ADCY10: variants seen among roughly 807,000 people sequenced by gnomAD.
The protein encoded by ADCY10 is adenylate cyclase type 10.
In ADCY10, 156 loss-of-function variants were observed where a neutral mutation model predicts 183.3. The observed-to-expected ratio is 0.85, with a 90% confidence interval of 0.75 to 0.97. ADCY10 has a LOEUF of 0.97. ADCY10 is among the 50% of genes least tolerant of loss of function. ADCY10 has a pLI of 0.00. For synonymous variants in ADCY10, 645 were observed against 670.0 expected, an observed-to-expected ratio of 0.96 and a Z score of 0.58; for missense variants, 1,745 against 1,934.3, an observed-to-expected ratio of 0.90 and a Z score of 1.84.
intron 8 of ADCY10, among the ~76,000 whole-genome samples, chr1:167,888,737 G>A (rs1305226695): frequency 4.6e-5 from 7 of 151,780 alleles, no homozygotes; most frequent in African/African-American, 1.5e-4. Flanking sequence ...TTAGCGGGGC[G>A]TGGTGGCGGG....
chr1:167,878,387 A>T, intron 12 of ADCY10, 59 bp downstream of exon 12: 2 of 1,570,084 alleles, frequency 1.3e-6, no homozygotes, highest in South Asian at 2.2e-5. Flanking sequence ...CTGCTTTGCT[A>T]TCATAATTCT....
At chr1:167,906,376 A>C (rs981768677) in intron 1 of ADCY10, among the ~76,000 whole-genome samples, 1 of 151,872 alleles carries the variant, frequency 6.6e-6, no homozygotes, top group Non-Finnish European at 1.5e-5. Context: ...AAAAAAAAAA[A>C]GGGTAGCATT....
Position 167,824,740 on chromosome 1 carries a change from C to G in ADCY10, c.3866G>C (p.Gly1289Ala), listed in dbSNP as rs1205695359. Residue 1289 changes from glycine (G) to alanine (A), a missense_variant, in exon 27 of 33, where the codon GGC becomes GCC. Physicochemically the swap from Gly to Ala is moderately conservative, Grantham distance 60. Transcript: ENST00000367851. ...GTATGCCACGATTTCAATGCCCTCG[C>G]CTTTCAGGGGGAGGTTGAAGATGTG... ...MEHIFNLPLK[G>A]EGIEIVAYVA... 6.2e-7 allele frequency: 1 copy of G among 1,614,180 alleles called. No individual in the cohort carries two copies. The highest frequency in any genetic ancestry group is 8.5e-7 in the Non-Finnish European group (1 of 1,180,028).
chr1:167,863,547 T>C (rs889925604), intron 14 of ADCY10, among the ~76,000 whole-genome samples: 1 of 151,956 alleles, frequency 6.6e-6, no homozygotes, highest in South Asian at 2.1e-4. Context: ...GTCTGAGGGG[T>C]TTTGTCTGCG....
chr1:167,821,073 G>A (rs1011380726), intron 30 of ADCY10: 1 of 152,190 alleles, frequency 6.6e-6, no homozygotes, highest in Non-Finnish European at 1.5e-5. Flanking sequence ...ATATAATTAA[G>A]ATAGGAAATA....
Position 167,848,341 on chromosome 1 carries a change from G to A in ADCY10, c.2437+20C>T, listed in dbSNP as rs749867660. The A allele has an allele frequency of 1.1e-5, 18 of 1,611,060 alleles. No individual in the cohort carries two copies. The highest frequency in any genetic ancestry group is 7.7e-5 in the South Asian group (7 of 91,008). ...TGGGATTACAGGCGTGAGCCACTGCGCCCGGCCAGATTTTCTTACCTTTTA... is the reference window on the plus strand; with the variant it reads ...TGGGATTACAGGCGTGAGCCACTGCACCCGGCCAGATTTTCTTACCTTTTA... On this transcript the variant is annotated intron_variant, in intron 19 of 32. Transcript: ENST00000367851.
At chr1:167,859,998 C>T (rs537652253) in intron 15 of ADCY10, 105 bp from the exon 16 acceptor site, 4 of 911,370 alleles carry the variant, frequency 4.4e-6, no homozygotes, top group Middle Eastern at 4.9e-4. Flanking sequence ...TCTTAAAATC[C>T]TCATGTGTTA....
chr1:167,903,949 A>G lies in ADCY10; in HGVS notation c.191T>C (p.Met64Thr). The G allele has an allele frequency of 6.2e-7, 1 of 1,614,094 alleles. No individual in the cohort carries two copies. The highest frequency in any genetic ancestry group is 8.5e-7 in the Non-Finnish European group (1 of 1,179,958). The change falls in exon 3 of 33, where the codon ATG becomes ACG. Residue 64 changes from methionine to threonine, a missense_variant. Met to Thr is a moderately conservative substitution (Grantham distance 81). Transcript: ENST00000367851. ...CACCAACTGCTCAGCCCCTCTGTCC[A>G]TGTACATGGCACTGCTGAACTTCTC... is the stretch of plus-strand genomic sequence containing the variant. ...MTEKFSSAMY[M>T]DRGAEQLVEI...
chr1:167,846,660 T>G (rs1665051301), intron 19 of ADCY10, among the ~76,000 whole-genome samples: 1 of 152,212 alleles, frequency 6.6e-6, no homozygotes, highest in Non-Finnish European at 1.5e-5. Flanking sequence ...TGTATCTTCT[T>G]CTCTGCCTCC....
At chr1:167,831,187 ATC>A (rs781260226) in intron 25 of ADCY10, among the ~76,000 whole-genome samples, 31 of 149,528 alleles carry the variant, frequency 2.1e-4, no homozygotes, top group Non-Finnish European at 4.1e-4. Context: ...ACAGGGTAAA[ATC>A]TCTCTCTCTT....
chr1:167,847,979 C>T (rs573589759), intron 19 of ADCY10, among the ~76,000 whole-genome samples: 3 of 152,352 alleles, frequency 2.0e-5, no homozygotes, highest in Admixed American at 2.0e-4. Flanking sequence ...ACCAATGTTG[C>T]TGTTTTTCTT....
chr1:167,811,624 A>T (rs1186977501), intron 31 of ADCY10, among the ~76,000 whole-genome samples: 1 of 152,162 alleles, frequency 6.6e-6, no homozygotes, highest in African/African-American at 2.4e-5. Context: ...AGACTGGAAG[A>T]TCAACAACTA....
At chr1:167,905,237 C>T (rs987206320) in intron 1 of ADCY10, 39 bp from the exon 2 acceptor site, 4 of 1,367,812 alleles carry the variant, frequency 2.9e-6, no homozygotes, top group Non-Finnish European at 4.2e-6. Flanking sequence ...CTGATATATT[C>T]ATTTGCTCAT....
At chr1:167,811,214 T>C (rs1296451269) in intron 31 of ADCY10, among the ~76,000 whole-genome samples, 3 of 152,122 alleles carry the variant, frequency 2.0e-5, no homozygotes, top group Admixed American at 2.0e-4. Flanking sequence ...ACAAGTTAAT[T>C]GTTGAAAAAT....
rs781566346 is a variant in ADCY10 at position 167,836,490 on chromosome 1, G to T, written c.3128C>A (p.Thr1043Lys). 6.2e-7 allele frequency: 1 copy of T among 1,614,036 alleles called. No homozygotes were observed. The highest frequency in any genetic ancestry group is 1.1e-5 in the South Asian group (1 of 91,084). Residue 1043 changes from threonine to lysine, a missense_variant, in exon 23 of 33, where the codon ACA (threonine) becomes AAA (lysine). By Grantham distance (78) the Thr-to-Lys change is moderately conservative (BLOSUM62 -1). Coordinates refer to ENST00000367851, the MANE Select transcript of ADCY10 (RefSeq NM_018417.6). ...KILNFFDHVL[T>K]KMKTSDEDII... Reference sequence around the variant, plus strand: ...GTCTTCGTCAGATGTCTTCATTTTTGTTAAAACGTGGTCAAAGAAATTCAA... The same window carrying T: ...GTCTTCGTCAGATGTCTTCATTTTTTTTAAAACGTGGTCAAAGAAATTCAA...
chr1:167,813,994 T>C (rs1662369279), intron 31 of ADCY10, among the ~76,000 whole-genome samples: 1 of 151,748 alleles, frequency 6.6e-6, no homozygotes, highest in African/African-American at 2.4e-5. Flanking sequence ...CAAAAGAAAA[T>C]GGGGAAAGAA....
At chr1:167,814,900 C>T (rs1257068206) in intron 31 of ADCY10, among the ~76,000 whole-genome samples, 4 of 152,128 alleles carry the variant, frequency 2.6e-5, no homozygotes, top group East Asian at 1.9e-4. Context: ...CCGAGGTGGT[C>T]GGATCACCTG....
chr1:167,836,047 C>T (rs2101916337), intron 23 of ADCY10, among the ~76,000 whole-genome samples: 1 of 152,290 alleles, frequency 6.6e-6, no homozygotes, highest in Middle Eastern at 3.4e-3. Flanking sequence ...CCCCTTACCT[C>T]CCATACAGGT....
At chr1:167,813,467 A>T (rs1259558636) in intron 31 of ADCY10, among the ~76,000 whole-genome samples, 2 of 152,180 alleles carry the variant, frequency 1.3e-5, no homozygotes, top group Non-Finnish European at 2.9e-5. Context: ...AACAAAGTTA[A>T]TTACCACCAG....
Sources: gnomAD v4.1 joint callset for allele counts (sites outside exome capture counted in the v4.1 genomes callset) on GRCh38, gnomAD v4.1.1 for gene constraint, MANE v1.5 for transcripts, NCBI Gene and HGNC (gene_info 2026-07-23, HGNC 2026-07-21) for gene names.